Variants in CACNA1A observed in about 807,000 individuals in gnomAD.
CACNA1A encodes voltage-dependent P/Q-type calcium channel subunit alpha-1A.
Under a neutral mutation model 262.4 loss-of-function variants are expected in CACNA1A, and 57 were observed. That is an observed-to-expected ratio of 0.22 (90% CI 0.18 to 0.27). CACNA1A has a LOEUF of 0.27. Among genes scored for constraint, CACNA1A ranks in the 10% least tolerant of loss-of-function variants. The pLI, the probability that CACNA1A is intolerant of heterozygous loss-of-function variation, is 1.00. For missense variants in CACNA1A, 2,526 were observed against 3,562.8 expected (o/e 0.71, Z 7.41); for synonymous variants, 1,431 against 1,419.3 (o/e 1.01, Z -0.18).
intron 37 of CACNA1A, 71 bp downstream of exon 37, chr19:13,227,360 A>G (rs973727979): frequency 7.0e-6 from 4 of 571,312 alleles, no homozygotes; most frequent in South Asian, 2.1e-5. Context: ...GGTCAGCACT[A>G]AAAAAAAAGA....
intron 1 of CACNA1A, among the ~76,000 whole-genome samples, chr19:13,470,017 A>G (rs1189063683): frequency 6.6e-6 from 1 of 152,076 alleles, no homozygotes; most frequent in African/African-American, 2.4e-5. Context: ...GAGATCAACT[A>G]TCTGGGCTGG....
At chr19:13,285,600 C>T (rs2057380640) in intron 20 of CACNA1A, among the ~76,000 whole-genome samples, 1 of 152,124 alleles carries the variant, frequency 6.6e-6, no homozygotes, top group South Asian at 2.1e-4. Flanking sequence ...TTCACACCCT[C>T]ACTTGCAGGC....
intron 3 of CACNA1A, among the ~76,000 whole-genome samples, chr19:13,429,205 CA>C (rs1256774561): frequency 2.4e-4 from 35 of 146,540 alleles, no homozygotes; most frequent in Non-Finnish European, 3.5e-4. Context: ...CACACACACA[CA>C]CCCCTCTTTC....
intron 44 of CACNA1A, among the ~76,000 whole-genome samples, chr19:13,210,041 A>G (rs2054747103): frequency 6.8e-6 from 1 of 146,454 alleles, no homozygotes; most frequent in South Asian, 2.1e-4. Context: ...CACAAGTCTG[A>G]GTCCTTCTGG....
At chr19:13,500,529 AG>A (rs1982256196) in intron 1 of CACNA1A, among the ~76,000 whole-genome samples, 1 of 152,224 alleles carries the variant, frequency 6.6e-6, no homozygotes, top group Non-Finnish European at 1.5e-5. Flanking sequence ...TAAGCCATCG[AG>A]GCCAGACGTG....
chr19:13,312,094 G>A (rs1401305232), intron 12 of CACNA1A, among the ~76,000 whole-genome samples: 2 of 152,054 alleles, frequency 1.3e-5, no homozygotes, highest in South Asian at 2.1e-4. Flanking sequence ...TTTTTGCCCT[G>A]GTTCGATGAG....
At position 13,209,000 on chromosome 19, in the gene CACNA1A, G is replaced by C. The variant is rs1283651682; in HGVS notation, c.6536C>G (p.Thr2179Arg). Residue 2179 changes from threonine (T) to arginine (R), a missense_variant, in exon 46 of 47, where the codon ACA becomes AGA. By Grantham distance (71) the Thr-to-Arg change is moderately conservative. Coordinates refer to ENST00000360228, the MANE Select transcript of CACNA1A (RefSeq NM_001127222.2). ...GGATTGGGTGGTCATGCTCAGGTCTGTCCCCAAGCCTGGGCCGGGTGAGGG... is the reference window on the plus strand; with the variant it reads ...GGATTGGGTGGTCATGCTCAGGTCTCTCCCCAAGCCTGGGCCGGGTGAGGG... ...RYTDVDTGLG[T>R]DLSMTTQSGD... The C allele has an allele frequency of 6.5e-7, 1 of 1,537,100 alleles. No individual in the cohort carries two copies. Among genetic ancestry groups the C allele is most frequent in the Non-Finnish European group, 8.7e-7 (1 of 1,146,910 alleles).
intron 18 of CACNA1A, 149 bp downstream of exon 18, chr19:13,300,401 T>C (rs1264610184): frequency 6.3e-6 from 4 of 635,744 alleles, no homozygotes; most frequent in African/African-American, 3.6e-5. Flanking sequence ...CAAATATTTA[T>C]TGAGTGAAAG....
Position 13,212,171 on chromosome 19 carries a change from C to G in CACNA1A, c.6235G>C (p.Glu2079Gln). The change falls in exon 43 of 47, where the codon GAG becomes CAG. Residue 2079 changes from glutamate to glutamine, a missense_variant. Physicochemically the swap from Glu to Gln is conservative, Grantham distance 29. Transcript: ENST00000360228. The surrounding 1 kb of genome is among the most constrained non-coding windows in gnomAD (Gnocchi z 5.6). ...EMGRDGYSDS[E>Q]HYLPMEGQGR... ...TGGCCTTCCATGGGGAGGTAGTGCT[C>G]GCTGTCGGAGTAGCCATCTCTGCCC... is the stretch of plus-strand genomic sequence containing the variant. 1.2e-6 allele frequency: 2 copies of G among 1,613,878 alleles called. No homozygotes were observed. Among genetic ancestry groups the G allele is most frequent in the Non-Finnish European group, 1.7e-6 (2 of 1,179,802 alleles).
At chr19:13,324,368 T>C (rs1320739935) in intron 10 of CACNA1A, among the ~76,000 whole-genome samples, 1 of 152,216 alleles carries the variant, frequency 6.6e-6, no homozygotes, top group African/African-American at 2.4e-5. Flanking sequence ...TAATACATTA[T>C]TGTGTATTTA....
chr19:13,469,593 C>T (rs1264503501), intron 1 of CACNA1A, among the ~76,000 whole-genome samples: 3 of 149,912 alleles, frequency 2.0e-5, no homozygotes, highest in Non-Finnish European at 4.4e-5. Context: ...GGACTACAGG[C>T]GCCCGCCACC....
chr19:13,241,301 C>T lies in CACNA1A; in HGVS notation c.4950+3881G>A, dbSNP rs1486867237. On this transcript the variant is annotated intron_variant, in intron 31 of 46. Transcript: ENST00000360228. The surrounding 1 kb of genome is among the most constrained non-coding windows in gnomAD (Gnocchi z 4.0). ...CAAACCACCCCAAACAGAAAACCCCCATTCAGAACCCGATAAAAACAGAGA... is the reference window on the plus strand; with the variant it reads ...CAAACCACCCCAAACAGAAAACCCCTATTCAGAACCCGATAAAAACAGAGA... Among the ~76,000 whole-genome samples, 1 of 152,014 alleles carries T rather than the reference C, an allele frequency of 6.6e-6. No homozygotes were observed. The highest frequency in any genetic ancestry group is 1.9e-4 in the East Asian group (1 of 5,170).
chr19:13,227,448 C>G lies in CACNA1A; in HGVS notation c.5608G>C (p.Ala1870Pro), dbSNP rs1273140981. ...TAGTCTACCTTGTAAGCCACTCTGG[C>G]CGGACACTTCTTCCCCAGACCCAGG... ...PPLGLGKKCP[A>P]RVAYKRLLRM... The change falls in exon 37 of 47, where the codon GCC becomes CCC. Residue 1870 changes from alanine (A) to proline (P), a missense_variant. By Grantham distance (27) the Ala-to-Pro change is conservative. Around this residue, in one of 17 missense-constraint regions of CACNA1A, gnomAD observed 112 missense variants for 197.2 expected, o/e 0.57. Transcript: ENST00000360228. 6.2e-7 allele frequency: 1 copy of G among 1,607,070 alleles called. No homozygotes were observed. Among genetic ancestry groups the G allele is most frequent in the Admixed American group, 1.7e-5 (1 of 59,800 alleles).
At position 13,227,439 on chromosome 19, in the gene CACNA1A, C is replaced by G. The variant is rs2055499515; in HGVS notation, c.5617G>C (p.Ala1873Pro). ...CGGCAAGGGTAGTCTACCTTGTAAG[C>G]CACTCTGGCCGGACACTTCTTCCCC... Reference protein sequence around the residue: ...GLGKKCPARVAYKRLLRMDLP... With the variant: ...GLGKKCPARVPYKRLLRMDLP... The change falls in exon 37 of 47, where the codon GCT (alanine) becomes CCT (proline). Residue 1873 changes from alanine (A) to proline (P), a missense_variant. By Grantham distance (27) the Ala-to-Pro change is conservative. Around this residue, in one of 17 missense-constraint regions of CACNA1A, gnomAD observed 112 missense variants for 197.2 expected, o/e 0.57. Coordinates refer to ENST00000360228, the MANE Select transcript of CACNA1A (RefSeq NM_001127222.2). 1.3e-6 allele frequency: 2 copies of G among 1,598,670 alleles called. No homozygotes were observed.
chr19:13,283,443 T>A (rs1259395133), intron 21 of CACNA1A, 47 bp from the exon 22 acceptor site: 1 of 1,611,136 alleles, frequency 6.2e-7, no homozygotes, highest in Non-Finnish European at 8.5e-7. Context: ...GACCACAGGC[T>A]CACAAACCCT....
In CACNA1A at chr19:13,283,014, A is replaced by T. The variant is rs73511449; in HGVS notation, c.3822+253T>A. 6.1e-3 allele frequency among the ~76,000 whole-genome samples: 933 copies of T among 152,300 alleles called. 11 individuals carry two copies. Among genetic ancestry groups the T allele is most frequent in the African/African-American group, 0.021 (892 of 41,550 alleles). Reference sequence around the variant, plus strand: ...GTCTCACGCCTCCATTAGAGAATCCAGCAATTTTCAGCCCCAGTCACTCTG... The same window carrying T: ...GTCTCACGCCTCCATTAGAGAATCCTGCAATTTTCAGCCCCAGTCACTCTG... On this transcript the variant is annotated intron_variant, in intron 22 of 46. Coordinates refer to ENST00000360228, the MANE Select transcript of CACNA1A (RefSeq NM_001127222.2).
intron 38 of CACNA1A, among the ~76,000 whole-genome samples, chr19:13,222,695 T>C (rs1292866993): frequency 1.4e-5 from 2 of 142,030 alleles, no homozygotes; most frequent in Non-Finnish European, 3.1e-5. Flanking sequence ...GTGCCCGGCC[T>C]CAGCTTTTTT....
chr19:13,326,904 GT>G (rs111538186), intron 10 of CACNA1A, among the ~76,000 whole-genome samples: 18,781 of 144,238 alleles, frequency 0.13, 2,080 homozygotes, highest in African/African-American at 0.32. Flanking sequence ...ACTTTTTTTT[GT>G]TTTTTTTTTT....
chr19:13,281,714 G>A (rs965351414), intron 22 of CACNA1A, among the ~76,000 whole-genome samples: 4 of 152,184 alleles, frequency 2.6e-5, no homozygotes, highest in Admixed American at 6.5e-5. Context: ...CGCGTGGGGC[G>A]TTTTTGTTCT....
Sources: gnomAD v4.1 joint callset for allele counts (sites outside exome capture counted in the v4.1 genomes callset) on GRCh38, gnomAD v4.1.1 for gene constraint, gnomAD v4.1.1 regional missense constraint, Gnocchi (gnomAD v3.1) non-coding constraint, MANE v1.5 for transcripts, NCBI Gene and HGNC (gene_info 2026-07-23, HGNC 2026-07-21) for gene names.